WNT9A: variants seen among roughly 807,000 people sequenced by gnomAD.
WNT9A encodes the protein Wnt family member 9A.
In WNT9A, 8 loss-of-function variants were observed where a neutral mutation model predicts 31.4. That is an observed-to-expected ratio of 0.26 (90% confidence interval 0.15 to 0.46). The LOEUF is 0.46. Among genes scored for constraint, WNT9A ranks in the 20% least tolerant of loss-of-function variants. The pLI is 0.99. For missense variants in WNT9A, 457 were observed against 522.9 expected, an observed-to-expected ratio of 0.87 and a Z score of 1.23; for synonymous variants, 236 against 220.1, an observed-to-expected ratio of 1.07 and a Z score of -0.64.
At chr1:227,922,556 G>C (rs1312276881) in intron 3 of WNT9A, among the ~76,000 whole-genome samples, 1 of 152,222 alleles carries the variant, frequency 6.6e-6, no homozygotes, top group Non-Finnish European at 1.5e-5. Context: ...GCCAGTGAAG[G>C]CACCACAGGA....
At chr1:227,938,761 C>T (rs1262879160) in intron 1 of WNT9A, among the ~76,000 whole-genome samples, 1 of 152,180 alleles carries the variant, frequency 6.6e-6, no homozygotes, top group Admixed American at 6.5e-5. Flanking sequence ...GGGCCTGTTG[C>T]TGAAAACAGG....
At position 227,925,352 on chromosome 1, in the gene WNT9A, A is replaced by G. The variant is rs1468655630; in HGVS notation, c.263T>C (p.Met88Thr). The change falls in exon 2 of 4, where the codon ATG (methionine) becomes ACG (threonine). Residue 88 changes from methionine (M) to threonine (T), a missense_variant. Coordinates refer to ENST00000272164, the MANE Select transcript of WNT9A (RefSeq NM_003395.4). This position sits in a 1 kb window ranked among gnomAD's most constrained non-coding sequence, Gnocchi z 6.0. ...CTGGAACTGGCACTCGAGCGCACTC[A>G]TGCTCACGGCCTCCACCAGCGTCTC... The part of the protein sequence containing the change: ...VAETLVEAVS[M>T]SALECQFQFR... 9.3e-6 allele frequency: 15 copies of G among 1,611,094 alleles called. No individual in the cohort carries two copies. The highest frequency in any genetic ancestry group is 1.3e-5 in the Non-Finnish European group (15 of 1,179,472).
rs900387451 is a variant in WNT9A, at chr1:227,920,366, C to A, written c.*1152G>T. ...GAGGGAATATGTCAGGGACGGAAGG[C>A]GGGGCCCTCCCAGACTGGGGCTTGG... On this transcript the variant is annotated 3_prime_UTR_variant, in exon 4 of 4. Coordinates refer to ENST00000272164, the MANE Select transcript of WNT9A (RefSeq NM_003395.4). The A allele has an allele frequency of 6.6e-6, 1 of 152,236 alleles. No homozygotes were observed. The highest frequency in any genetic ancestry group is 2.4e-5 in the African/African-American group (1 of 41,468). The allele number at this position is 152,236 out of a possible 1,614,324, so 9.4% of individuals were successfully genotyped here.
intron 3 of WNT9A, among the ~76,000 whole-genome samples, chr1:227,922,542 G>C (rs1666340877): frequency 6.6e-6 from 1 of 152,206 alleles, no homozygotes; most frequent in Non-Finnish European, 1.5e-5. Flanking sequence ...CAGCCTGCTG[G>C]GGGGCCAGTG....
chr1:227,939,187 C>T (rs529332670), intron 1 of WNT9A, among the ~76,000 whole-genome samples: 5 of 152,222 alleles, frequency 3.3e-5, no homozygotes, highest in African/African-American at 4.8e-5. Context: ...AACAGTTCCA[C>T]GCTGCAGATG....
rs79506871 is a variant in WNT9A, at chr1:227,929,373, A to G, written c.96-3854T>C. ...CGGGGAGACACTCTTCCACGGCTGG[A>G]ATTCCAGACTGACATATCTAGGAAA... On this transcript the variant is annotated intron_variant, in intron 1 of 3. Coordinates refer to ENST00000272164, the MANE Select transcript of WNT9A (RefSeq NM_003395.4). 5.4e-3 allele frequency among the ~76,000 whole-genome samples: 825 copies of G among 152,396 alleles called. 5 individuals carry two copies. Among genetic ancestry groups the G allele is most frequent in the African/African-American group, 0.019 (797 of 41,592 alleles).
At chr1:227,935,861 GATGCTGGTTAGTGCCT>G (rs1344544114) in intron 1 of WNT9A, among the ~76,000 whole-genome samples, 1 of 152,202 alleles carries the variant, frequency 6.6e-6, no homozygotes, top group Non-Finnish European at 1.5e-5. Context: ...ACCTAAGCCT[GATGCTGGTTAGTGCCT>G]TCTCTACCTG....
In WNT9A at chr1:227,942,080, C is replaced by T. The variant is rs1389713257; in HGVS notation, c.95+5713G>A. On this transcript the variant is annotated intron_variant, in intron 1 of 3. Transcript: ENST00000272164. This position sits in a 1 kb window ranked among gnomAD's most constrained non-coding sequence, Gnocchi z 5.7. ...ACCCCAGAGCAGGGCACCCCCAGCC[C>T]GGGCCACCCCAGCAGCCGGCGGAAG... 1.3e-5 allele frequency among the ~76,000 whole-genome samples: 2 copies of T among 152,122 alleles called. No individual in the cohort carries two copies. Among genetic ancestry groups the T allele is most frequent in the Admixed American group, 6.5e-5 (1 of 15,284 alleles).
chr1:227,940,635 C>G (rs1298795956), intron 1 of WNT9A, among the ~76,000 whole-genome samples: 1 of 152,226 alleles, frequency 6.6e-6, no homozygotes, highest in East Asian at 1.9e-4. Flanking sequence ...CTGGCAGCAG[C>G]TCCTCCTGGG....
At position 227,925,255 on chromosome 1, in the gene WNT9A, A is replaced by G. The variant is rs1200182037; in HGVS notation, c.352+8T>C. 1.9e-6 allele frequency: 3 copies of G among 1,541,120 alleles called. No individual in the cohort carries two copies. Among genetic ancestry groups the G allele is most frequent in the Non-Finnish European group, 1.8e-6 (2 of 1,140,968 alleles). On this transcript the variant is annotated splice_region_variant and intron_variant, in intron 2 of 3. Coordinates refer to ENST00000272164, the MANE Select transcript of WNT9A (RefSeq NM_003395.4). The surrounding 1 kb of genome is among the most constrained non-coding windows in gnomAD (Gnocchi z 6.0). Reference sequence around the variant, plus strand: ...GGCCTTCCTGAGGGCCAGGCCGGCCACACTCACCTCGCTTGAGCAGGCTGG... The same window carrying G: ...GGCCTTCCTGAGGGCCAGGCCGGCCGCACTCACCTCGCTTGAGCAGGCTGG...
At position 227,919,686 on chromosome 1, in the gene WNT9A, TACACACACAC is replaced by T. The variant is rs59594965; in HGVS notation, c.*1822_*1831del. ...CACAGCCAAGCTGACCATGCCAGTA[TACACACACAC>T]ACACACACACACACACACACACACA... On this transcript the variant is annotated 3_prime_UTR_variant, in exon 4 of 4. Transcript: ENST00000272164. The T allele has an allele frequency of 0.42, 57,520 of 135,782 alleles. 11,167 individuals are homozygous for T. Among genetic ancestry groups the T allele is most frequent in the Admixed American group, 0.46 (6,345 of 13,844 alleles). 8.4% of individuals were successfully genotyped at this position (135,782 alleles called of 1,614,324 possible).
chr1:227,938,281 A>C (rs1285371228), intron 1 of WNT9A, among the ~76,000 whole-genome samples: 1 of 150,766 alleles, frequency 6.6e-6, no homozygotes, highest in East Asian at 2.0e-4. Context: ...AAACCCATAA[A>C]CCCATACACA....
chr1:227,947,012 C>T (rs907214570), intron 1 of WNT9A, among the ~76,000 whole-genome samples: 3 of 152,204 alleles, frequency 2.0e-5, no homozygotes, highest in African/African-American at 7.2e-5. Flanking sequence ...TCAGCGCGCC[C>T]AAAGCGCAGC....
intron 1 of WNT9A, among the ~76,000 whole-genome samples, chr1:227,943,481 C>G (rs1027623881): frequency 6.6e-6 from 1 of 152,218 alleles, no homozygotes; most frequent in African/African-American, 2.4e-5. Context: ...CATGAGGCCA[C>G]GAAAAGATGC....
At chr1:227,940,399 T>C (rs1364742456) in intron 1 of WNT9A, among the ~76,000 whole-genome samples, 2 of 152,112 alleles carry the variant, frequency 1.3e-5, no homozygotes, top group East Asian at 3.9e-4. Context: ...CCCACACAAC[T>C]GGTCAGCAGG....
chr1:227,943,206 A>G (rs1478290623), intron 1 of WNT9A, among the ~76,000 whole-genome samples: 1 of 152,122 alleles, frequency 6.6e-6, no homozygotes. Flanking sequence ...GAGCACCCAG[A>G]ACTGCCCCAC....
rs544194921 is a variant in WNT9A, at chr1:227,918,742, C to T, written c.*2776G>A. 6.6e-6 allele frequency: 1 copy of T among 152,404 alleles called. No homozygotes were observed. Among genetic ancestry groups the T allele is most frequent in the South Asian group, 2.1e-4 (1 of 4,830 alleles). 9.4% of individuals were successfully genotyped at this position (152,404 alleles called of 1,614,324 possible). Reference sequence around the variant, plus strand: ...GTTAAATAAATACATTCTCCACAGTCCCTCTGGGACGGGCCACACAGATGA... The same window carrying T: ...GTTAAATAAATACATTCTCCACAGTTCCTCTGGGACGGGCCACACAGATGA... On this transcript the variant is annotated 3_prime_UTR_variant, in exon 4 of 4. Transcript: ENST00000272164.
chr1:227,941,871 G>C (rs571381483), intron 1 of WNT9A, among the ~76,000 whole-genome samples: 2 of 152,192 alleles, frequency 1.3e-5, no homozygotes, highest in South Asian at 2.1e-4. Context: ...AAGGGAGCCC[G>C]TGCCGCAGCT....
At position 227,928,838 on chromosome 1, in the gene WNT9A, CTCAGAAG is replaced by C. The variant is rs1666462340; in HGVS notation, c.96-3326_96-3320del. ...AAGCTTTCTTCCGTGAGACTCAGAA[CTCAGAAG>C]TCACTGAAAAGTGAATATATTTGAC... On this transcript the variant is annotated intron_variant, in intron 1 of 3. Coordinates refer to ENST00000272164, the MANE Select transcript of WNT9A (RefSeq NM_003395.4). The surrounding 1 kb of genome is among the most constrained non-coding windows in gnomAD (Gnocchi z 4.5). Among the ~76,000 whole-genome samples the C allele has an allele frequency of 6.6e-6, 1 of 152,186 alleles. No individual in the cohort carries two copies. The highest frequency in any genetic ancestry group is 1.5e-5 in the Non-Finnish European group (1 of 68,036).
Sources: gnomAD v4.1 joint callset for allele counts (sites outside exome capture counted in the v4.1 genomes callset) on GRCh38, gnomAD v4.1.1 for gene constraint, Gnocchi (gnomAD v3.1) non-coding constraint, MANE v1.5 for transcripts, NCBI Gene and HGNC (gene_info 2026-07-23, HGNC 2026-07-21) for gene names.